The following MEIKIN variants were observed in gnomAD, a reference collection of about 807,000 sequenced individuals.
MEIKIN encodes meiotic kinetochore factor.
At chr5:131,944,914 C>A (rs899351262) in intron 2 of MEIKIN, 162 bp from the exon 3 acceptor site, 2 of 397,890 alleles carry the variant, frequency 5.0e-6, no homozygotes, top group African/African-American at 2.1e-5. Flanking sequence ...GTGACACAAT[C>A]GTATAGCTCA....
intron 8 of MEIKIN, among the ~76,000 whole-genome samples, chr5:131,898,169 G>A (rs138105679): frequency 0.025 from 3,837 of 152,300 alleles, 259 homozygotes; most frequent in East Asian, 0.24. Flanking sequence ...TCCCTCAGCT[G>A]CAGGTCTGCT....
chr5:131,854,359 T>C (rs1294909896), intron 10 of MEIKIN, among the ~76,000 whole-genome samples: 1 of 152,158 alleles, frequency 6.6e-6, no homozygotes, highest in East Asian at 1.9e-4. Context: ...AGTTACTGTT[T>C]AATGCATATG....
chr5:131,886,443 G>A (rs1449935912), intron 8 of MEIKIN, among the ~76,000 whole-genome samples: 1 of 152,180 alleles, frequency 6.6e-6, no homozygotes, highest in African/African-American at 2.4e-5. Flanking sequence ...ATACAATGGA[G>A]CTTCACTAGG....
At chr5:131,832,254 G>C (rs185634753) in intron 11 of MEIKIN, among the ~76,000 whole-genome samples, 362 of 152,228 alleles carry the variant, frequency 2.4e-3, no homozygotes, top group Admixed American at 4.1e-3. Flanking sequence ...AAAACAAATG[G>C]GTTACAGGGC....
chr5:131,874,066 A>T (rs1750560681), intron 9 of MEIKIN, among the ~76,000 whole-genome samples: 1 of 152,244 alleles, frequency 6.6e-6, no homozygotes, highest in Admixed American at 6.5e-5. Context: ...TTGACACCCT[A>T]ACATCACAAT....
At chr5:131,822,424 C>T (rs1185328221) in intron 11 of MEIKIN, among the ~76,000 whole-genome samples, 2 of 151,952 alleles carry the variant, frequency 1.3e-5, no homozygotes, top group Non-Finnish European at 2.9e-5. Context: ...TTGCAGTACA[C>T]TTCAATTTCT....
chr5:131,836,670 T>A (rs947526563), intron 11 of MEIKIN, among the ~76,000 whole-genome samples: 1 of 152,178 alleles, frequency 6.6e-6, no homozygotes, highest in African/African-American at 2.4e-5. Flanking sequence ...TTTTTTTTTA[T>A]ACACTTTTTG....
intron 8 of MEIKIN, among the ~76,000 whole-genome samples, chr5:131,887,455 C>A (rs1750819507): frequency 6.6e-6 from 1 of 152,138 alleles, no homozygotes; most frequent in South Asian, 2.1e-4. Context: ...ACACTCCCAC[C>A]AACAGTGTAA....
intron 7 of MEIKIN, 119 bp from the exon 8 acceptor site, chr5:131,911,998 T>C (rs1449115907): frequency 2.6e-6 from 1 of 385,252 alleles, no homozygotes; most frequent in Non-Finnish European, 4.6e-6. Context: ...TGTGGGAAAA[T>C]ATACAGTTGC....
At chr5:131,847,932 G>A (rs764233476) in intron 11 of MEIKIN, among the ~76,000 whole-genome samples, 2 of 150,680 alleles carry the variant, frequency 1.3e-5, no homozygotes, top group African/African-American at 2.4e-5. Flanking sequence ...AACACCAATG[G>A]GCCAAAGTAG....
At chr5:131,862,223 T>C (rs1288779005) in intron 9 of MEIKIN, among the ~76,000 whole-genome samples, 1 of 152,160 alleles carries the variant, frequency 6.6e-6, no homozygotes, top group African/African-American at 2.4e-5. Flanking sequence ...CCAAGTTTTC[T>C]AGTTAGTATA....
intron 8 of MEIKIN, among the ~76,000 whole-genome samples, chr5:131,880,274 T>TC (rs1750682967): frequency 6.6e-6 from 1 of 151,104 alleles, no homozygotes; most frequent in Non-Finnish European, 1.5e-5. Flanking sequence ...ATTTTTTTTT[T>TC]TTTTTTTTAG....
chr5:131,932,808 A>G (rs1164756268), intron 5 of MEIKIN, among the ~76,000 whole-genome samples: 1 of 152,176 alleles, frequency 6.6e-6, no homozygotes, highest in Admixed American at 6.5e-5. Flanking sequence ...TGTTTTTGAC[A>G]TCTATTTACA....
intron 9 of MEIKIN, among the ~76,000 whole-genome samples, chr5:131,867,572 T>A (rs987202427): frequency 6.6e-6 from 1 of 152,216 alleles, no homozygotes; most frequent in Non-Finnish European, 1.5e-5. Context: ...CCAATCTTTT[T>A]ATTGTCAACA....
chr5:131,869,929 C>T (rs1750456167), intron 9 of MEIKIN, among the ~76,000 whole-genome samples: 1 of 152,218 alleles, frequency 6.6e-6, no homozygotes. Context: ...TATGACCTTA[C>T]TTCTCTGATG....
At chr5:131,927,989 C>G (rs1751620061) in intron 5 of MEIKIN, among the ~76,000 whole-genome samples, 1 of 151,588 alleles carries the variant, frequency 6.6e-6, no homozygotes. Context: ...ACTAAAAATA[C>G]AAAAATTAGC....
At chr5:131,850,894 G>C (rs1011819722) in intron 11 of MEIKIN, among the ~76,000 whole-genome samples, 53 of 152,076 alleles carry the variant, frequency 3.5e-4, no homozygotes, top group African/African-American at 1.2e-3. Context: ...GAGTCTGTGA[G>C]CCTTGACTGC....
At chr5:131,843,712 C>A (rs972365511) in intron 11 of MEIKIN, among the ~76,000 whole-genome samples, 2 of 152,198 alleles carry the variant, frequency 1.3e-5, no homozygotes, top group Non-Finnish European at 2.9e-5. Context: ...TCACTATCAG[C>A]ATTTTGGTCA....
Position 131,933,621 on chromosome 5 carries a change from T to TACCATG in MEIKIN, c.364_369dup (p.His122_Gly123dup). Reference sequence around the variant, plus strand: ...GAATAGCTCAGAAGAGAACTGGCCATACCATGGTGCAAACTTAATCCTGTA... The same window carrying TACCATG: ...GAATAGCTCAGAAGAGAACTGGCCATACCATGACCATGGTGCAAACTTAATCCTGTA... On this transcript the variant is annotated inframe_insertion, in exon 5 of 13. Transcript: ENST00000442687. The TACCATG allele has an allele frequency of 2.5e-6, 1 of 398,796 alleles. No individual in the cohort carries two copies. The allele number at this position is 398,796 out of a possible 1,614,324, so 24.7% of individuals were successfully genotyped here.
Sources: gnomAD v4.1 joint callset for allele counts (sites outside exome capture counted in the v4.1 genomes callset) on GRCh38, gnomAD v4.1.1 for gene constraint, MANE v1.5 for transcripts, NCBI Gene and HGNC (gene_info 2026-07-23, HGNC 2026-07-21) for gene names.